The following MAP7 variants were observed in gnomAD, a reference collection of about 807,000 sequenced individuals.
The protein encoded by MAP7 is ensconsin.
A neutral mutation model predicts 94.8 loss-of-function variants in MAP7; 52 were observed. The ratio of observed to expected loss-of-function variants is 0.55; its 90% CI spans 0.44 to 0.69. The LOEUF is 0.69. Among genes scored for constraint, MAP7 ranks in the 30% least tolerant of loss-of-function variants. The probability of loss-of-function intolerance (pLI) is 0.00; values close to 1 mark genes in which losing one functional copy is unlikely to be tolerated. For synonymous variants in MAP7, 350 were observed against 357.0 expected, an observed-to-expected ratio of 0.98 and a Z score of 0.22; for missense variants, 940 against 964.6, an observed-to-expected ratio of 0.97 and a Z score of 0.34.
intron 1 of MAP7, among the ~76,000 whole-genome samples, chr6:136,437,490 TA>T (rs1796686565): frequency 6.6e-6 from 1 of 152,218 alleles, no homozygotes; most frequent in Non-Finnish European, 1.5e-5. Flanking sequence ...AGTGCCCTGC[TA>T]CTTACAATAA....
At chr6:136,442,277 T>A (rs1286957664) in intron 1 of MAP7, among the ~76,000 whole-genome samples, 1 of 151,370 alleles carries the variant, frequency 6.6e-6, no homozygotes, top group Non-Finnish European at 1.5e-5. Context: ...TGGTGGTGCA[T>A]GCCTGTAACC....
intron 7 of MAP7, among the ~76,000 whole-genome samples, chr6:136,376,934 G>A (rs1008151717): frequency 9.9e-5 from 15 of 152,156 alleles, no homozygotes; most frequent in Admixed American, 5.2e-4. Flanking sequence ...CAAAGATGAG[G>A]GCTAGTAGAC....
At chr6:136,548,669 G>A (rs1041911742) in intron 1 of MAP7, among the ~76,000 whole-genome samples, 2 of 152,194 alleles carry the variant, frequency 1.3e-5, no homozygotes, top group African/African-American at 4.8e-5. Context: ...TCCTTAACAT[G>A]CTCAGGCACT....
intron 5 of MAP7, among the ~76,000 whole-genome samples, 194 bp downstream of exon 5, chr6:136,388,192 TTGGCCTG>T (rs1030586959): frequency 1.3e-5 from 2 of 152,216 alleles, no homozygotes; most frequent in African/African-American, 4.8e-5. Context: ...CATGAGAAAA[TTGGCCTG>T]TGTTAAGGGA....
At chr6:136,451,662 A>C (rs1801161604) in intron 1 of MAP7, among the ~76,000 whole-genome samples, 1 of 152,200 alleles carries the variant, frequency 6.6e-6, no homozygotes, top group East Asian at 1.9e-4. Flanking sequence ...GAGCAAAGTA[A>C]ATTAAAAACC....
intron 1 of MAP7, among the ~76,000 whole-genome samples, chr6:136,509,344 T>C (rs566106741): frequency 1.3e-5 from 2 of 152,366 alleles, no homozygotes; most frequent in East Asian, 3.9e-4. Context: ...ATTAGAATAA[T>C]ACAGGCTATA....
At position 136,433,800 on chromosome 6, in the gene MAP7, G is replaced by A. The variant is rs546700182; in HGVS notation, c.68-12001C>T. ...TCTCTGGATAGGCAATAAAGTAGTGGAGCAAAAGGGTGGAAGAACACTTCC... is the reference window on the plus strand; with the variant it reads ...TCTCTGGATAGGCAATAAAGTAGTGAAGCAAAAGGGTGGAAGAACACTTCC... On this transcript the variant is annotated intron_variant, in intron 1 of 17. Coordinates refer to ENST00000354570, the MANE Select transcript of MAP7 (RefSeq NM_003980.6). Among the ~76,000 whole-genome samples the A allele has an allele frequency of 2.6e-5, 4 of 152,280 alleles. No homozygotes were observed. The South Asian group carries it at 8.3e-4, about 32-fold the overall frequency.
chr6:136,465,197 A>T (rs1806578751), intron 1 of MAP7, among the ~76,000 whole-genome samples: 1 of 152,214 alleles, frequency 6.6e-6, no homozygotes, highest in Admixed American at 6.5e-5. Flanking sequence ...TTTGCAGGAA[A>T]TTGGAAAACT....
At chr6:136,392,903 T>A (rs1158486154) in intron 3 of MAP7, among the ~76,000 whole-genome samples, 1 of 152,216 alleles carries the variant, frequency 6.6e-6, no homozygotes, top group Non-Finnish European at 1.5e-5. Flanking sequence ...TTTATGAACA[T>A]AATATTTTCC....
chr6:136,478,979 C>CAAAAAAAAAAAA (rs59319740), intron 1 of MAP7, among the ~76,000 whole-genome samples: 4 of 45,556 alleles, frequency 8.8e-5, no homozygotes, highest in African/African-American at 2.1e-4. Context: ...ACAGACACAT[C>CAAAAAAAAAAAA]AAAAAAAAAA....
chr6:136,493,352 A>G (rs1583059978), intron 1 of MAP7, among the ~76,000 whole-genome samples: 1 of 151,934 alleles, frequency 6.6e-6, no homozygotes, highest in East Asian at 1.9e-4. Flanking sequence ...CGAACTCCTG[A>G]CCTCAGGTGA....
intron 3 of MAP7, among the ~76,000 whole-genome samples, chr6:136,394,931 C>CAT (rs144839767): frequency 0.043 from 1,180 of 27,358 alleles, 89 homozygotes; most frequent in Non-Finnish European, 0.057. Flanking sequence ...AATATTCCAT[C>CAT]ATATATATAT....
intron 1 of MAP7, among the ~76,000 whole-genome samples, chr6:136,464,799 T>G (rs148821972): frequency 3.3e-5 from 5 of 152,382 alleles, no homozygotes; most frequent in African/African-American, 1.2e-4. Flanking sequence ...GCCTACTGGT[T>G]GCCAGGCACT....
At chr6:136,424,328 A>T (rs200333435) in intron 1 of MAP7, among the ~76,000 whole-genome samples, 2 of 4,480 alleles carry the variant, frequency 4.5e-4, no homozygotes, top group Middle Eastern at 0.25. Flanking sequence ...TCTTTCATTT[A>T]AAAAAAAAAA....
intron 1 of MAP7, among the ~76,000 whole-genome samples, chr6:136,461,408 AC>A (rs1389787725): frequency 6.6e-6 from 1 of 152,222 alleles, no homozygotes; most frequent in African/African-American, 2.4e-5. Context: ...GCTCAATAAA[AC>A]ATTATATAAA....
intron 11 of MAP7, among the ~76,000 whole-genome samples, chr6:136,361,792 A>G (rs1224681078): frequency 6.6e-6 from 1 of 152,188 alleles, no homozygotes; most frequent in Non-Finnish European, 1.5e-5. Context: ...GCATGTAAAG[A>G]TCCCACCTGG....
intron 3 of MAP7, among the ~76,000 whole-genome samples, chr6:136,394,776 G>A (rs941462356): frequency 4.0e-5 from 6 of 150,548 alleles, no homozygotes; most frequent in African/African-American, 1.2e-4. Context: ...CTACCTCCAT[G>A]AGATCACTTT....
At chr6:136,457,675 T>G (rs1199035687) in intron 1 of MAP7, among the ~76,000 whole-genome samples, 1 of 152,018 alleles carries the variant, frequency 6.6e-6, no homozygotes, top group East Asian at 1.9e-4. Context: ...TGACACACCA[T>G]AGTAACAGAA....
intron 1 of MAP7, among the ~76,000 whole-genome samples, chr6:136,443,763 G>A (rs78765371): frequency 0.016 from 2,418 of 151,940 alleles, 85 homozygotes; most frequent in East Asian, 0.14. Context: ...TTCTACTTTC[G>A]TAAGGCACAC....
Sources: gnomAD v4.1 joint callset for allele counts (sites outside exome capture counted in the v4.1 genomes callset) on GRCh38, gnomAD v4.1.1 for gene constraint, MANE v1.5 for transcripts, NCBI Gene and HGNC (gene_info 2026-07-23, HGNC 2026-07-21) for gene names.